Variants in NISCH observed in about 807,000 individuals in gnomAD.
NISCH encodes the protein nischarin.
NISCH carries 55 observed loss-of-function variants against 138.4 expected under a neutral mutation model. That is an observed-to-expected ratio of 0.40 (90% CI 0.32 to 0.50). The LOEUF is 0.50. NISCH is among the 20% of genes least tolerant of loss of function. The pLI, the probability that NISCH is intolerant of heterozygous loss-of-function variation, is 0.71. For missense variants in NISCH, 1,643 were observed against 2,005.5 expected, an observed-to-expected ratio of 0.82 and a Z score of 3.45; for synonymous variants, 860 against 861.5, an observed-to-expected ratio of 1.00 and a Z score of 0.03.
rs556116674 is a variant in NISCH, at chr3:52,488,271, A to G, written c.2779A>G (p.Met927Val). ...LNVIKADFNP[M>V]PNRGTHNCRN... ...CGTCATCAAGGCCGACTTCAACCCC[A>G]TGCCCAACCGTGGCACCCACAACTG... The change falls in exon 16 of 21, where the codon ATG (methionine) becomes GTG (valine). Residue 927 changes from methionine (M) to valine (V), a missense_variant. Physicochemically the swap from Met to Val is conservative, Grantham distance 21 (BLOSUM62 1). Transcript: ENST00000345716. 6.8e-6 allele frequency: 11 copies of G among 1,610,400 alleles called. No homozygotes were observed. Among genetic ancestry groups the G allele is most frequent in the East Asian group, 4.5e-5 (2 of 44,872 alleles).
chr3:52,472,422 T>C, intron 6 of NISCH, 24 bp downstream of exon 6: 1 of 1,571,758 alleles, frequency 6.4e-7, no homozygotes, highest in Non-Finnish European at 8.8e-7. Flanking sequence ...CTGCACAGCA[T>C]CCTCTCGCTC....
chr3:52,465,573 G>A (rs997255126), intron 3 of NISCH, among the ~76,000 whole-genome samples: 2 of 152,212 alleles, frequency 1.3e-5, no homozygotes, highest in African/African-American at 4.8e-5. Context: ...TCAGATTGCT[G>A]TGTCCTGACC....
chr3:52,472,229 C>A, intron 5 of NISCH, 74 bp from the exon 6 acceptor site: 1 of 1,401,322 alleles, frequency 7.1e-7, no homozygotes, highest in Non-Finnish European at 1.0e-6. Context: ...TTGTCTTCAA[C>A]TTGTCAGCTG....
intron 9 of NISCH, chr3:52,477,845 G>A: frequency 1.6e-6 from 1 of 623,990 alleles, no homozygotes; most frequent in East Asian, 2.7e-5. Context: ...TACAAACCAG[G>A]CATGATGATG....
At chr3:52,473,862 G>T in intron 7 of NISCH, 33 bp downstream of exon 7, 1 of 1,471,248 alleles carries the variant, frequency 6.8e-7, no homozygotes. Flanking sequence ...CTGGGGCAAT[G>T]TCTGTGGATC....
chr3:52,480,613 C>A, intron 13 of NISCH: 1 of 1,428,244 alleles, frequency 7.0e-7, no homozygotes, highest in South Asian at 1.5e-5. Flanking sequence ...CTCATGGGAC[C>A]CATTCCCTCA....
Position 52,492,001 on chromosome 3 carries a change from T to C in NISCH, c.4034T>C (p.Leu1345Pro). The part of the protein sequence containing the change: ...KMAEPEKAPA[L>P]SILLYVQAFQ... ...GCTGAGCCAGAGAAGGCCCCAGCCC[T>C]CAGCATCCTGCTGTACGTGCAGGCC... The change falls in exon 21 of 21, where the codon CTC (leucine) becomes CCC (proline). Residue 1345 changes from leucine to proline, a missense_variant. Leu to Pro is a moderately conservative substitution (Grantham distance 98). Transcript: ENST00000345716. 6.2e-7 allele frequency: 1 copy of C among 1,613,374 alleles called. No homozygotes were observed. Among genetic ancestry groups the C allele is most frequent in the Non-Finnish European group, 8.5e-7 (1 of 1,179,998 alleles).
At chr3:52,473,409 G>A (rs1261210359) in intron 6 of NISCH, among the ~76,000 whole-genome samples, 1 of 152,138 alleles carries the variant, frequency 6.6e-6, no homozygotes, top group Non-Finnish European at 1.5e-5. Context: ...TGCTGTGGAG[G>A]CCCCTTGTTC....
chr3:52,479,286 C>T (rs541129869), intron 11 of NISCH, among the ~76,000 whole-genome samples: 6 of 152,286 alleles, frequency 3.9e-5, no homozygotes, highest in African/African-American at 1.4e-4. Context: ...AGCCACCACT[C>T]CCTCCCACAT....
At position 52,492,712 on chromosome 3, in the gene NISCH, C is replaced by T. The variant is rs1707603564; in HGVS notation, c.*230C>T. 2 of 586,826 alleles carry T rather than the reference C, an allele frequency of 3.4e-6. No individual in the cohort carries two copies. Among genetic ancestry groups the T allele is most frequent in the Non-Finnish European group, 5.9e-6 (2 of 336,578 alleles). 36.4% of individuals were successfully genotyped at this position (586,826 alleles called of 1,614,324 possible). A position where few individuals can be genotyped will look rare whatever the true frequency, so the allele number is the denominator to read the frequency against. On this transcript the variant is annotated 3_prime_UTR_variant, in exon 21 of 21. Coordinates refer to ENST00000345716, the MANE Select transcript of NISCH (RefSeq NM_007184.4). ...TGCTGTCAGCCTCCCACAGGTGGTA[C>T]AGCCGTGCACACCAGTGTCGTGTCT...
intron 3 of NISCH, among the ~76,000 whole-genome samples, chr3:52,467,772 C>G (rs1330863236): frequency 6.6e-6 from 1 of 152,242 alleles, no homozygotes; most frequent in African/African-American, 2.4e-5. Context: ...CTTAGAGGGG[C>G]TGTCATCCAG....
intron 14 of NISCH, among the ~76,000 whole-genome samples, 191 bp downstream of exon 14, chr3:52,484,828 G>A (rs1288305037): frequency 6.6e-6 from 1 of 151,908 alleles, no homozygotes; most frequent in African/African-American, 2.4e-5. Context: ...CAAACACAGT[G>A]GTTAAGGGTT....
rs749351380 is a variant in NISCH at position 52,490,061 on chromosome 3, C to T, written c.3457-14C>T. ...CTAGGGTGGTGGAGCTGACAGGAGG[C>T]CCCCCGTCTTCAGGTTGAAAACGAG... On this transcript the variant is annotated splice_polypyrimidine_tract_variant and intron_variant, in intron 17 of 20. Transcript: ENST00000345716. 1.2e-6 allele frequency: 2 copies of T among 1,612,882 alleles called. No homozygotes were observed. The highest frequency in any genetic ancestry group is 1.7e-6 in the Non-Finnish European group (2 of 1,179,680).
At chr3:52,474,529 C>G (rs1253376861) in intron 7 of NISCH, among the ~76,000 whole-genome samples, 2 of 152,178 alleles carry the variant, frequency 1.3e-5, no homozygotes, top group Non-Finnish European at 2.9e-5. Context: ...ATCTCCTGAC[C>G]TCGTGATCCA....
chr3:52,458,912 C>A, intron 3 of NISCH, 68 bp downstream of exon 3: 2 of 1,394,380 alleles, frequency 1.4e-6, no homozygotes, highest in Non-Finnish European at 2.0e-6. Context: ...GGCAGCAAAC[C>A]AGGGGAGACC....
At chr3:52,481,256 C>T in intron 13 of NISCH, 8 of 1,074,534 alleles carry the variant, frequency 7.4e-6, no homozygotes, top group Non-Finnish European at 7.9e-6. Context: ...TGCTCAGCAG[C>T]CCTCCCAGCA....
chr3:52,488,537 G>A lies in NISCH; in HGVS notation c.3045G>A (p.Lys1015=). Reference sequence around the variant, plus strand: ...ACCTGAAGACTGTGGTCATCGCCAAGACCCCCGGGACGGGAGGCAGCCCCC... The same window carrying A: ...ACCTGAAGACTGTGGTCATCGCCAAAACCCCCGGGACGGGAGGCAGCCCCC... ...LQDLKTVVIA[K]TPGTGGSPQG... is the part of the protein sequence containing the mutation. Residue 1015 remains lysine, a synonymous_variant, in exon 16 of 21, where the codon AAG becomes AAA. Coordinates refer to ENST00000345716, the MANE Select transcript of NISCH (RefSeq NM_007184.4). 6.2e-7 allele frequency: 1 copy of A among 1,613,098 alleles called. No individual in the cohort carries two copies. Among genetic ancestry groups the A allele is most frequent in the South Asian group, 1.1e-5 (1 of 91,086 alleles).
At chr3:52,476,709 G>A in intron 8 of NISCH, 110 bp downstream of exon 8, 1 of 1,096,780 alleles carries the variant, frequency 9.1e-7, no homozygotes, top group Non-Finnish European at 1.3e-6. Flanking sequence ...TATATCTAGT[G>A]CTCTGTGCAT....
intron 3 of NISCH, 80 bp from the exon 4 acceptor site, chr3:52,470,779 G>T: frequency 8.7e-7 from 1 of 1,147,710 alleles, no homozygotes; most frequent in Non-Finnish European, 1.3e-6. Flanking sequence ...GCACAACAGA[G>T]GGGATAGATA....
Sources: gnomAD v4.1 joint callset for allele counts (sites outside exome capture counted in the v4.1 genomes callset) on GRCh38, gnomAD v4.1.1 for gene constraint, MANE v1.5 for transcripts, NCBI Gene and HGNC (gene_info 2026-07-23, HGNC 2026-07-21) for gene names.